Variants in SORCS2 observed in about 807,000 individuals in gnomAD.
The protein encoded by SORCS2 is VPS10 domain-containing receptor SorCS2.
In SORCS2, 100 loss-of-function variants were observed where a neutral mutation model predicts 141.6. That is an observed-to-expected ratio of 0.71 (90% CI 0.60 to 0.83). The LOEUF is 0.83. Among genes scored for constraint, SORCS2 ranks in the 40% least tolerant of loss-of-function variants. The pLI, the probability that SORCS2 is intolerant of heterozygous loss-of-function variation, is 0.00. For synonymous variants in SORCS2, 789 were observed against 676.9 expected, an observed-to-expected ratio of 1.17 and a Z score of -2.57; for missense variants, 1,646 against 1,560.2, an observed-to-expected ratio of 1.05 and a Z score of -0.93.
At chr4:7,699,751 C>G (rs1369283916) in intron 12 of SORCS2, among the ~76,000 whole-genome samples, 1 of 152,220 alleles carries the variant, frequency 6.6e-6, no homozygotes, top group African/African-American at 2.4e-5. Flanking sequence ...GTCTCCGCCA[C>G]CCGCCTGGCC....
intron 2 of SORCS2, among the ~76,000 whole-genome samples, chr4:7,472,815 G>A (rs764872478): frequency 9.2e-5 from 14 of 152,192 alleles, no homozygotes; most frequent in Admixed American, 3.3e-4. Context: ...TCTAGAACCT[G>A]GTTTGATTGG....
intron 1 of SORCS2, among the ~76,000 whole-genome samples, chr4:7,270,013 G>A (rs957870344): frequency 6.6e-6 from 1 of 152,210 alleles, no homozygotes; most frequent in African/African-American, 2.4e-5. Context: ...CCAAGTAGCT[G>A]AGACTACAAG....
intron 14 of SORCS2, among the ~76,000 whole-genome samples, chr4:7,709,198 GC>G (rs1405955442): frequency 3.3e-5 from 5 of 152,208 alleles, no homozygotes; most frequent in African/African-American, 1.2e-4. Flanking sequence ...GCCGCGGGGG[GC>G]CAGCAGTGCA....
chr4:7,722,931 G>A (rs1426997258), intron 18 of SORCS2, among the ~76,000 whole-genome samples: 2 of 152,192 alleles, frequency 1.3e-5, no homozygotes, highest in Admixed American at 6.5e-5. Flanking sequence ...TGCCCCTGGT[G>A]CCGGCGAGGG....
At chr4:7,368,804 A>T (rs532645511) in intron 1 of SORCS2, among the ~76,000 whole-genome samples, 1 of 152,320 alleles carries the variant, frequency 6.6e-6, no homozygotes, top group Admixed American at 6.5e-5. Flanking sequence ...CACAATTCCC[A>T]GGTGTCCTGG....
intron 4 of SORCS2, among the ~76,000 whole-genome samples, chr4:7,640,527 C>T (rs1465584072): frequency 2.7e-5 from 4 of 150,422 alleles, no homozygotes; most frequent in Non-Finnish European, 4.4e-5. Context: ...TGTATGTGGA[C>T]GTGCGTGGGT....
At chr4:7,323,575 C>A (rs1719043221) in intron 1 of SORCS2, among the ~76,000 whole-genome samples, 2 of 152,178 alleles carry the variant, frequency 1.3e-5, no homozygotes, top group South Asian at 4.1e-4. Flanking sequence ...GCACCTGTGC[C>A]CTTGCCTACT....
chr4:7,434,912 C>G (rs755591836), intron 2 of SORCS2: 3 of 1,499,938 alleles, frequency 2.0e-6, no homozygotes, highest in South Asian at 1.3e-5. Flanking sequence ...CCAGAGTACC[C>G]AGCAGTGGCT....
intron 2 of SORCS2, among the ~76,000 whole-genome samples, chr4:7,419,014 A>G (rs1359274892): frequency 6.6e-6 from 1 of 152,372 alleles, no homozygotes; most frequent in South Asian, 2.1e-4. Context: ...GTCTCAAGGC[A>G]TGGACTTGGA....
intron 13 of SORCS2, 60 bp from the exon 14 acceptor site, chr4:7,704,117 T>A: frequency 1.3e-6 from 2 of 1,511,672 alleles, no homozygotes; most frequent in Non-Finnish European, 1.8e-6. Context: ...CCGGGCAGAG[T>A]CCCAGACACA....
chr4:7,725,143 G>T lies in SORCS2; in HGVS notation c.2612-11G>T. The T allele has an allele frequency of 6.2e-7, 1 of 1,610,308 alleles. No homozygotes were observed. Among genetic ancestry groups the T allele is most frequent in the Non-Finnish European group, 8.5e-7 (1 of 1,178,346 alleles). On this transcript the variant is annotated splice_polypyrimidine_tract_variant and intron_variant, in intron 19 of 26. Transcript: ENST00000507866. ...ATATCATCTAACCCTGGCCTTTTTG[G>T]GTCCCCACAGCCCCCCTGCAGGCCC...
At chr4:7,514,548 G>T (rs996270259) in intron 2 of SORCS2, among the ~76,000 whole-genome samples, 27 of 152,034 alleles carry the variant, frequency 1.8e-4, no homozygotes, top group Middle Eastern at 3.2e-3. Flanking sequence ...ATAGAGTCAT[G>T]GCAGGGCAGA....
At chr4:7,397,118 T>C (rs1431341985) in intron 2 of SORCS2, among the ~76,000 whole-genome samples, 3 of 152,260 alleles carry the variant, frequency 2.0e-5, no homozygotes, top group South Asian at 4.1e-4. Flanking sequence ...CAAGTAATAA[T>C]TAATTCATTT....
chr4:7,245,632 G>A (rs564200756), intron 1 of SORCS2, among the ~76,000 whole-genome samples: 54 of 152,312 alleles, frequency 3.5e-4, no homozygotes, highest in African/African-American at 1.2e-3. Context: ...GCACAGACGC[G>A]AGAGTGTCAG....
intron 1 of SORCS2, among the ~76,000 whole-genome samples, chr4:7,236,177 A>G (rs913339028): frequency 6.6e-6 from 1 of 152,214 alleles, no homozygotes; most frequent in Non-Finnish European, 1.5e-5. Context: ...AAAGGAGAAA[A>G]TAAATACAGA....
intron 3 of SORCS2, among the ~76,000 whole-genome samples, chr4:7,599,698 A>G (rs1401512804): frequency 1.3e-5 from 2 of 152,120 alleles, no homozygotes; most frequent in African/African-American, 4.8e-5. Flanking sequence ...TCCCTGGAAT[A>G]CAGCATGGAT....
At chr4:7,508,807 A>T (rs962603429) in intron 2 of SORCS2, among the ~76,000 whole-genome samples, 6 of 152,202 alleles carry the variant, frequency 3.9e-5, no homozygotes, top group African/African-American at 7.2e-5. Context: ...AGAGGACTGA[A>T]ATTAAACTCA....
At position 7,220,681 on chromosome 4, in the gene SORCS2, A is replaced by G. The variant is rs150614681; in HGVS notation, c.480+27555A>G. On this transcript the variant is annotated intron_variant, in intron 1 of 26. Transcript: ENST00000507866. ...GTTCCATGTGTGGGGACCTGAATGA[A>G]GTGCTCGTGGCTCCCATTTCCGGCC... Among the ~76,000 whole-genome samples the G allele has an allele frequency of 1.1e-3, 168 of 152,264 alleles. 1 individual carries two copies. The highest frequency in any genetic ancestry group is 3.6e-3 in the African/African-American group (150 of 41,548).
At chr4:7,337,364 G>T (rs1194558550) in intron 1 of SORCS2, among the ~76,000 whole-genome samples, 1 of 152,210 alleles carries the variant, frequency 6.6e-6, no homozygotes, top group Admixed American at 6.5e-5. Context: ...TCAGGGGGCA[G>T]GAGTGGTCAG....
Sources: allele counts gnomAD v4.1 joint callset (sites outside exome capture counted in the v4.1 genomes callset), GRCh38; gene constraint gnomAD v4.1.1; transcripts MANE v1.5; gene names NCBI Gene and HGNC (gene_info 2026-07-23, HGNC 2026-07-21).